The following PLCL2 variants were observed in gnomAD, a reference collection of about 807,000 sequenced individuals.
The protein encoded by PLCL2 is phospholipase C like 2, also known as inactive phospholipase C-like protein 2.
A neutral mutation model predicts 79.6 loss-of-function variants in PLCL2; 4 were observed. That is an observed-to-expected ratio of 0.05 (90% CI 0.02 to 0.11). The LOEUF is 0.11. PLCL2 is among the 10% of genes least tolerant of loss of function. The pLI is 1.00. For missense variants in PLCL2, 895 were observed against 1,291.0 expected, an observed-to-expected ratio of 0.69 and a Z score of 4.70; for synonymous variants, 484 against 457.7, an observed-to-expected ratio of 1.06 and a Z score of -0.73.
At chr3:16,950,018 G>A (rs891648437) in intron 1 of PLCL2, among the ~76,000 whole-genome samples, 1 of 152,044 alleles carries the variant, frequency 6.6e-6, no homozygotes, top group African/African-American at 2.4e-5. Flanking sequence ...ATCTATTCCT[G>A]TACCAGTATC....
chr3:16,963,083 T>C (rs1167575812), intron 1 of PLCL2, among the ~76,000 whole-genome samples: 2 of 152,088 alleles, frequency 1.3e-5, no homozygotes, highest in Non-Finnish European at 1.5e-5. Context: ...GGAAAATAAT[T>C]GGTTGAGATT....
rs576284918 is a variant in PLCL2, at chr3:17,046,116, G to T, written c.3094+3167G>T. On this transcript the variant is annotated intron_variant, in intron 4 of 5. Coordinates refer to ENST00000615277, the MANE Select transcript of PLCL2 (RefSeq NM_001144382.2). ...AGTGAGAAGTGATGTGGCCATGCAA[G>T]AATGGGTCTCTATAATTCATAAGCC... Among the ~76,000 whole-genome samples the T allele has an allele frequency of 2.0e-5, 3 of 152,282 alleles. No individual in the cohort carries two copies. In the East Asian group the frequency reaches 5.8e-4, roughly 29 times the overall value.
chr3:16,907,353 A>G (rs1483500979), intron 1 of PLCL2, among the ~76,000 whole-genome samples: 1 of 152,218 alleles, frequency 6.6e-6, no homozygotes, highest in South Asian at 2.1e-4. Flanking sequence ...ACTGAATGTT[A>G]ACCAGACAAG....
At chr3:17,075,713 T>C (rs893202528) in intron 5 of PLCL2, among the ~76,000 whole-genome samples, 2 of 152,198 alleles carry the variant, frequency 1.3e-5, no homozygotes, top group African/African-American at 4.8e-5. Flanking sequence ...CAACCACTTA[T>C]CTCATTTCTA....
intron 1 of PLCL2, among the ~76,000 whole-genome samples, chr3:16,911,945 C>T (rs1294792517): frequency 6.6e-6 from 1 of 152,132 alleles, no homozygotes; most frequent in Non-Finnish European, 1.5e-5. Flanking sequence ...TATAAAATTA[C>T]CTTCAGGCTA....
chr3:16,908,633 A>G (rs1245273086), intron 1 of PLCL2, among the ~76,000 whole-genome samples: 3 of 152,144 alleles, frequency 2.0e-5, no homozygotes, highest in Non-Finnish European at 4.4e-5. Context: ...ATCTTCAGGC[A>G]CAGGGAACAG....
At chr3:17,082,240 T>A (rs546155130) in intron 5 of PLCL2, among the ~76,000 whole-genome samples, 1 of 147,134 alleles carries the variant, frequency 6.8e-6, no homozygotes, top group African/African-American at 2.5e-5. Context: ...GCCTCCTGGG[T>A]TCAAGCAATT....
intron 5 of PLCL2, among the ~76,000 whole-genome samples, chr3:17,068,951 T>C (rs1000169862): frequency 2.6e-5 from 4 of 152,186 alleles, no homozygotes; most frequent in African/African-American, 9.7e-5. Context: ...CTCTGGTGTT[T>C]GCCTTCCAAA....
intron 1 of PLCL2, among the ~76,000 whole-genome samples, chr3:16,928,756 A>C (rs1374805071): frequency 6.6e-6 from 1 of 152,240 alleles, no homozygotes; most frequent in Non-Finnish European, 1.5e-5. Flanking sequence ...AAGCCTAGCT[A>C]AAGTATGAGA....
intron 1 of PLCL2, among the ~76,000 whole-genome samples, chr3:16,999,079 C>G (rs923882540): frequency 2.6e-5 from 4 of 152,108 alleles, no homozygotes; most frequent in Non-Finnish European, 4.4e-5. Flanking sequence ...AATTTGTACT[C>G]TTATGTGAAT....
intron 1 of PLCL2, among the ~76,000 whole-genome samples, chr3:16,969,174 G>A (rs749680846): frequency 6.6e-6 from 1 of 152,090 alleles, no homozygotes; most frequent in Non-Finnish European, 1.5e-5. Flanking sequence ...TTGCATCTAT[G>A]TTCATCAAGG....
chr3:17,015,549 G>A (rs1249514133), intron 3 of PLCL2, among the ~76,000 whole-genome samples: 2 of 151,978 alleles, frequency 1.3e-5, no homozygotes, highest in Admixed American at 1.3e-4. Flanking sequence ...AGAATTTATT[G>A]GGTGAAGGAC....
chr3:16,961,744 A>G (rs2063756284), intron 1 of PLCL2, among the ~76,000 whole-genome samples: 1 of 152,198 alleles, frequency 6.6e-6, no homozygotes, highest in African/African-American at 2.4e-5. Flanking sequence ...AGACAGGCTC[A>G]TTGAATGAGA....
chr3:16,994,170 C>A (rs1043145390), intron 1 of PLCL2, among the ~76,000 whole-genome samples: 1 of 152,046 alleles, frequency 6.6e-6, no homozygotes, highest in Non-Finnish European at 1.5e-5. Flanking sequence ...GTTTGATAAG[C>A]TAATTAATTT....
chr3:16,931,017 A>G (rs534919484), intron 1 of PLCL2, among the ~76,000 whole-genome samples: 6 of 152,054 alleles, frequency 3.9e-5, no homozygotes, highest in East Asian at 3.9e-4. Context: ...TGTAACTCCA[A>G]TGCCTTCTGC....
At chr3:17,064,845 C>T (rs1411425145) in intron 4 of PLCL2, among the ~76,000 whole-genome samples, 1 of 149,904 alleles carries the variant, frequency 6.7e-6, no homozygotes, top group Admixed American at 6.7e-5. Context: ...AGGAGAATTG[C>T]TTGAACCCAG....
intron 1 of PLCL2, among the ~76,000 whole-genome samples, chr3:16,964,158 G>A (rs1008264748): frequency 3.3e-5 from 5 of 151,420 alleles, no homozygotes; most frequent in Non-Finnish European, 7.4e-5. Flanking sequence ...ATCTCCTAAT[G>A]CTATCCCTCT....
At chr3:17,022,333 C>G (rs1352792655) in intron 3 of PLCL2, among the ~76,000 whole-genome samples, 1 of 152,048 alleles carries the variant, frequency 6.6e-6, no homozygotes, top group Non-Finnish European at 1.5e-5. Context: ...TTCCTATGTT[C>G]CCATCAAATT....
At chr3:16,995,196 TA>T (rs1209487333) in intron 1 of PLCL2, among the ~76,000 whole-genome samples, 1 of 152,264 alleles carries the variant, frequency 6.6e-6, no homozygotes, top group Admixed American at 6.5e-5. Flanking sequence ...TTAAACATCA[TA>T]TGTCCTTTAG....
Sources: allele counts gnomAD v4.1 joint callset (sites outside exome capture counted in the v4.1 genomes callset), GRCh38; gene constraint gnomAD v4.1.1; transcripts MANE v1.5; gene names NCBI Gene and HGNC (gene_info 2026-07-23, HGNC 2026-07-21).